The following DOCK8 variants were observed in gnomAD, a reference collection of about 807,000 sequenced individuals.
The protein encoded by DOCK8 is dedicator of cytokinesis protein 8.
DOCK8 carries 141 observed loss-of-function variants against 245.6 expected under a neutral mutation model. The ratio of observed to expected loss-of-function variants is 0.57; its 90% confidence interval spans 0.50 to 0.66. The LOEUF is 0.66. Among genes scored for constraint, DOCK8 ranks in the 30% least tolerant of loss-of-function variants. The pLI, the probability that DOCK8 is intolerant of heterozygous loss-of-function variation, is 0.00. For missense variants in DOCK8, 2,965 were observed against 2,603.4 expected, an observed-to-expected ratio of 1.14 and a Z score of -3.02; for synonymous variants, 1,168 against 970.2, an observed-to-expected ratio of 1.20 and a Z score of -3.79.
At chr9:398,162 T>A (rs948190539) in intron 25 of DOCK8, among the ~76,000 whole-genome samples, 8 of 152,140 alleles carry the variant, frequency 5.3e-5, no homozygotes, top group African/African-American at 1.9e-4. Context: ...ACAGTGAGGT[T>A]GATAAATTTT....
intron 4 of DOCK8, among the ~76,000 whole-genome samples, chr9:301,673 A>T (rs1346050629): frequency 6.6e-6 from 1 of 152,366 alleles, no homozygotes; most frequent in Non-Finnish European, 1.5e-5. Context: ...AAATCAATGT[A>T]CAAAAGTCAA....
At chr9:396,197 A>G (rs904991523) in intron 24 of DOCK8, among the ~76,000 whole-genome samples, 10 of 152,180 alleles carry the variant, frequency 6.6e-5, no homozygotes, top group African/African-American at 2.4e-4. Flanking sequence ...GCTGGCCAAC[A>G]TTTCCTGCTC....
intron 15 of DOCK8, chr9:369,099 C>T (rs769325870): frequency 5.3e-5 from 8 of 151,676 alleles, no homozygotes; most frequent in Non-Finnish European, 7.4e-5. Flanking sequence ...AGCCACTGCA[C>T]GCAGTTAATA....
At chr9:355,289 C>T (rs892485103) in intron 14 of DOCK8, among the ~76,000 whole-genome samples, 2 of 149,996 alleles carry the variant, frequency 1.3e-5, no homozygotes, top group African/African-American at 2.5e-5. Flanking sequence ...CTGCAACCTC[C>T]GCCTTCCTGG....
chr9:457,654 G>A (rs984529497), intron 46 of DOCK8, among the ~76,000 whole-genome samples: 1 of 152,178 alleles, frequency 6.6e-6, no homozygotes, highest in Non-Finnish European at 1.5e-5. Flanking sequence ...ACTGGACAGG[G>A]CACTTCACCT....
chr9:424,348 A>T (rs1350048662), intron 33 of DOCK8, among the ~76,000 whole-genome samples: 1 of 151,944 alleles, frequency 6.6e-6, no homozygotes, highest in Non-Finnish European at 1.5e-5. Context: ...TTCCCAGGTG[A>T]TTCTATTGCC....
chr9:437,112 T>C (rs1450028472), intron 39 of DOCK8, among the ~76,000 whole-genome samples: 2 of 152,204 alleles, frequency 1.3e-5, no homozygotes, highest in Non-Finnish European at 2.9e-5. Context: ...AATTTGGAAA[T>C]GTAGCTGGCA....
intron 5 of DOCK8, among the ~76,000 whole-genome samples, chr9:306,138 A>G (rs553674824): frequency 1.3e-5 from 2 of 152,318 alleles, no homozygotes; most frequent in South Asian, 4.1e-4. Context: ...ACTTCTTGTA[A>G]ACTAATATAG....
chr9:278,419 A>G (rs1199243941), intron 2 of DOCK8, among the ~76,000 whole-genome samples: 4 of 152,258 alleles, frequency 2.6e-5, no homozygotes, highest in Non-Finnish European at 5.9e-5. Context: ...TCTCTATGTC[A>G]GGAACTGCTG....
intron 26 of DOCK8, among the ~76,000 whole-genome samples, chr9:400,297 ACCATCTTCACCG>A (rs2054819429): frequency 1.5e-5 from 1 of 67,040 alleles, no homozygotes; most frequent in Non-Finnish European, 2.7e-5. Context: ...CACCACCACC[ACCATCTTCACCG>A]TCACCACCAC....
At chr9:299,920 A>G (rs1273308215) in intron 4 of DOCK8, among the ~76,000 whole-genome samples, 2 of 151,606 alleles carry the variant, frequency 1.3e-5, no homozygotes. Flanking sequence ...TACTCAGGAG[A>G]CTGAGGCAGG....
At chr9:370,815 G>A (rs1391450870) in intron 16 of DOCK8, among the ~76,000 whole-genome samples, 1 of 152,160 alleles carries the variant, frequency 6.6e-6, no homozygotes, top group African/African-American at 2.4e-5. Context: ...GCACAGTGTT[G>A]GACGGAATTG....
chr9:343,588 C>T (rs1287715136), intron 14 of DOCK8, among the ~76,000 whole-genome samples: 1 of 152,096 alleles, frequency 6.6e-6, no homozygotes, highest in African/African-American at 2.4e-5. Context: ...AGGAGGTATA[C>T]ACTTATTTCC....
At chr9:324,276 C>T (rs1433771598) in intron 7 of DOCK8, among the ~76,000 whole-genome samples, 1 of 152,170 alleles carries the variant, frequency 6.6e-6, no homozygotes, top group Non-Finnish European at 1.5e-5. Context: ...CTAAAAAGTC[C>T]TCTTTTGAGA....
chr9:370,015 C>T, intron 15 of DOCK8: 1 of 595,886 alleles, frequency 1.7e-6, no homozygotes, highest in East Asian at 2.9e-5. Flanking sequence ...GTTGCCCAGG[C>T]TGGTCTCCAA....
intron 3 of DOCK8, among the ~76,000 whole-genome samples, chr9:287,393 C>T (rs139514734): frequency 1.3e-5 from 2 of 152,146 alleles, no homozygotes; most frequent in East Asian, 3.8e-4. Context: ...TTAGGATAAA[C>T]TTTTATTTAC....
intron 1 of DOCK8, among the ~76,000 whole-genome samples, chr9:249,595 T>C (rs2047599415): frequency 6.6e-6 from 1 of 152,082 alleles, no homozygotes; most frequent in African/African-American, 2.4e-5. Context: ...GCTATTACTC[T>C]TTTCTTATTT....
intron 32 of DOCK8, 140 bp downstream of exon 32, chr9:421,218 G>C: frequency 1.7e-6 from 2 of 1,168,952 alleles, no homozygotes; most frequent in Non-Finnish European, 2.5e-6. Context: ...GATTCTGGGA[G>C]TCTGTGTGTG....
rs776318168 is a variant in DOCK8 at position 396,900 on chromosome 9, C to T, written c.3086C>T (p.Ser1029Leu). 1.9e-5 allele frequency: 30 copies of T among 1,614,012 alleles called. No individual in the cohort carries two copies. The highest frequency in any genetic ancestry group is 2.3e-5 in the Non-Finnish European group (27 of 1,180,020). The change falls in exon 25 of 48, where the codon TCG becomes TTG. Residue 1029 changes from serine (S) to leucine (L), a missense_variant. This residue lies in a region of DOCK8 where 2,825 missense variants were observed against 2,453.5 expected (regional missense o/e 1.15). Coordinates refer to ENST00000432829, the MANE Select transcript of DOCK8 (RefSeq NM_203447.4). ...DITTIVNVVT[S>L]EIAALLVKPQ... ...ACTACTATTGTTAATGTGGTCACCT[C>T]GGAAATTGCAGCCCTTTTAGTAAAA... is the stretch of plus-strand genomic sequence containing the variant.
Sources: gnomAD v4.1 joint callset for allele counts (sites outside exome capture counted in the v4.1 genomes callset) on GRCh38, gnomAD v4.1.1 for gene constraint, gnomAD v4.1.1 regional missense constraint, MANE v1.5 for transcripts, NCBI Gene and HGNC (gene_info 2026-07-23, HGNC 2026-07-21) for gene names.